Variants in JAZF1 observed in about 807,000 individuals in gnomAD.
JAZF1 encodes the protein JAZF zinc finger 1, also known as juxtaposed with another zinc finger protein 1.
JAZF1 carries 8 observed loss-of-function variants against 26.4 expected under a neutral mutation model. That is an observed-to-expected ratio of 0.30 (90% CI 0.18 to 0.55). JAZF1 has a LOEUF of 0.55. Ranked by LOEUF, JAZF1 falls within the 20% of genes least tolerant of loss-of-function variation. The pLI is 0.94. For missense variants in JAZF1, 199 were observed against 322.0 expected, an observed-to-expected ratio of 0.62 and a Z score of 2.92; for synonymous variants, 126 against 122.3, an observed-to-expected ratio of 1.03 and a Z score of -0.20.
At chr7:27,992,599 T>C (rs1293049532) in intron 1 of JAZF1, among the ~76,000 whole-genome samples, 1 of 152,170 alleles carries the variant, frequency 6.6e-6, no homozygotes, top group African/African-American at 2.4e-5. Flanking sequence ...TTCAACACCA[T>C]AGCAACGCTT....
chr7:27,918,821 A>G (rs1349008951), intron 2 of JAZF1, among the ~76,000 whole-genome samples: 7 of 152,050 alleles, frequency 4.6e-5, no homozygotes. Context: ...CAGTGGTGAT[A>G]AGAGAAAAAA....
chr7:28,056,226 A>C (rs1259163671), intron 1 of JAZF1, among the ~76,000 whole-genome samples: 1 of 152,052 alleles, frequency 6.6e-6, no homozygotes, highest in African/African-American at 2.4e-5. Context: ...CACGCAATAA[A>C]CTAAAGCATA....
intron 1 of JAZF1, among the ~76,000 whole-genome samples, chr7:28,170,337 ATGTG>A (rs61200785): frequency 0.033 from 3,230 of 97,832 alleles, 24 homozygotes; most frequent in Admixed American, 0.062. Context: ...AGAAGTTGAT[ATGTG>A]TGTGTGTGTG....
intron 1 of JAZF1, among the ~76,000 whole-genome samples, chr7:28,105,592 A>G (rs533219326): frequency 4.6e-5 from 7 of 152,338 alleles, no homozygotes; most frequent in Admixed American, 2.0e-4. Flanking sequence ...CTCCTTTAGA[A>G]AGAAGCAACT....
chr7:28,036,796 C>T (rs140249373), intron 1 of JAZF1, among the ~76,000 whole-genome samples: 25 of 152,292 alleles, frequency 1.6e-4, no homozygotes, highest in African/African-American at 5.3e-4. Context: ...TGAGGCTGTG[C>T]TCCTGGAGAA....
At chr7:27,949,156 A>C (rs890986819) in intron 2 of JAZF1, among the ~76,000 whole-genome samples, 9 of 152,232 alleles carry the variant, frequency 5.9e-5, no homozygotes, top group African/African-American at 2.2e-4. Context: ...TCTGTAGAAC[A>C]ATAATACTGA....
chr7:28,151,408 AG>A (rs1783110534), intron 1 of JAZF1, among the ~76,000 whole-genome samples: 1 of 151,152 alleles, frequency 6.6e-6, no homozygotes, highest in African/African-American at 2.4e-5. Flanking sequence ...CCTGGCTTGG[AG>A]GGGGAATTTT....
intron 1 of JAZF1, among the ~76,000 whole-genome samples, chr7:28,081,171 CA>C (rs1412449004): frequency 7.9e-5 from 12 of 152,182 alleles, no homozygotes. Context: ...GGATGTGACC[CA>C]GTCAGGTTAA....
At chr7:27,988,375 A>ATT (rs761244185) in intron 2 of JAZF1, among the ~76,000 whole-genome samples, 21 of 141,902 alleles carry the variant, frequency 1.5e-4, no homozygotes, top group African/African-American at 2.9e-4. Flanking sequence ...TAAATTGTAA[A>ATT]TTTTTTTTTT....
At chr7:28,082,364 C>T (rs193225426) in intron 1 of JAZF1, among the ~76,000 whole-genome samples, 37 of 152,260 alleles carry the variant, frequency 2.4e-4, no homozygotes, top group Non-Finnish European at 4.3e-4. Context: ...CTGGGCTTCC[C>T]GTTGCTCTCC....
Position 27,877,281 on chromosome 7 carries a change from T to C in JAZF1, c.385+17939A>G, listed in dbSNP as rs535474673. 4.6e-5 allele frequency among the ~76,000 whole-genome samples: 7 copies of C among 152,288 alleles called. No homozygotes were observed. The East Asian group carries it at 1.4e-3, about 29-fold the overall frequency. On this transcript the variant is annotated intron_variant, in intron 3 of 4. Transcript: ENST00000283928. ...GAGAGGTCAAGCCTTCTCTGAGAAA[T>C]ATGGAAATACCAAACTTTTTTTTGT...
At chr7:28,125,498 A>T (rs945501340) in intron 1 of JAZF1, among the ~76,000 whole-genome samples, 3 of 152,238 alleles carry the variant, frequency 2.0e-5, no homozygotes, top group African/African-American at 7.2e-5. Flanking sequence ...GGCTAAAATT[A>T]CTTAACATGT....
In JAZF1 at chr7:27,933,378, T is replaced by C. The variant is rs375743760; in HGVS notation, c.189-37962A>G. 1.8e-4 allele frequency among the ~76,000 whole-genome samples: 28 copies of C among 152,310 alleles called. 1 individual carries two copies. The East Asian group carries it at 3.5e-3, about 19-fold the overall frequency. ...TAAGAACTGACTGAAATATAAGGTC[T>C]AGAAAATGAGCAGAGCTGCTTCTGC... On this transcript the variant is annotated intron_variant, in intron 2 of 4. Transcript: ENST00000283928.
intron 2 of JAZF1, among the ~76,000 whole-genome samples, chr7:27,976,500 T>A (rs1200279099): frequency 6.6e-6 from 1 of 152,116 alleles, no homozygotes; most frequent in Non-Finnish European, 1.5e-5. Context: ...AAGAAAACGG[T>A]AGCACGATGC....
rs115347483 is a variant in JAZF1, at chr7:28,090,332, G to A, written c.115+90131C>T. Among the ~76,000 whole-genome samples, 1,411 of 152,270 alleles carry A rather than the reference G, an allele frequency of 9.3e-3. 24 individuals carry two copies. Among genetic ancestry groups the A allele is most frequent in the African/African-American group, 0.033 (1,359 of 41,546 alleles). Reference sequence around the variant, plus strand: ...TGAACAACAAATCTCTCTGCTTAACGAAGATGCTAATATCCAGTCAAACTG... The same window carrying A: ...TGAACAACAAATCTCTCTGCTTAACAAAGATGCTAATATCCAGTCAAACTG... On this transcript the variant is annotated intron_variant, in intron 1 of 4. Transcript: ENST00000283928.
intron 2 of JAZF1, among the ~76,000 whole-genome samples, chr7:27,903,236 G>C (rs1316136161): frequency 6.6e-6 from 1 of 151,776 alleles, no homozygotes; most frequent in East Asian, 1.9e-4. Flanking sequence ...TTATTTTTTG[G>C]CTCACTCTGT....
At chr7:28,100,586 C>T (rs1784457555) in intron 1 of JAZF1, among the ~76,000 whole-genome samples, 1 of 152,128 alleles carries the variant, frequency 6.6e-6, no homozygotes, top group Admixed American at 6.5e-5. Context: ...TAAGTTAAGG[C>T]TCTATGAGCA....
chr7:27,855,751 C>T (rs1312147350), intron 3 of JAZF1, among the ~76,000 whole-genome samples: 1 of 152,124 alleles, frequency 6.6e-6, no homozygotes, highest in Non-Finnish European at 1.5e-5. Context: ...AGCCCAGGAC[C>T]AGATGGATTC....
chr7:28,037,960 T>C (rs1783322368), intron 1 of JAZF1, among the ~76,000 whole-genome samples: 1 of 152,212 alleles, frequency 6.6e-6, no homozygotes, highest in Admixed American at 6.5e-5. Flanking sequence ...ATAAATTGCT[T>C]TACTAGAAAT....
Sources: gnomAD v4.1 joint callset for allele counts (sites outside exome capture counted in the v4.1 genomes callset) on GRCh38, gnomAD v4.1.1 for gene constraint, MANE v1.5 for transcripts, NCBI Gene and HGNC (gene_info 2026-07-23, HGNC 2026-07-21) for gene names.